The following HCST variants were observed in gnomAD, a reference collection of about 807,000 sequenced individuals.
HCST encodes hematopoietic cell signal transducer.
In HCST, 12 loss-of-function variants were observed where a neutral mutation model predicts 10.8. The ratio of observed to expected loss-of-function variants is 1.12; its 90% CI spans 0.72 to 1.81. The LOEUF (loss-of-function observed/expected upper bound fraction) is 1.81, where lower values mean the gene tolerates loss of function less well. Among genes scored for constraint, HCST ranks in the 40% most tolerant of loss-of-function variants. The pLI, the probability that HCST is intolerant of heterozygous loss-of-function variation, is 0.00. For synonymous variants in HCST, 59 were observed against 51.6 expected (o/e 1.14, Z -0.61); for missense variants, 102 against 117.9 (o/e 0.87, Z 0.62).
rs1975662835 is a variant in HCST at position 35,904,284 on chromosome 19, C to A, written c.*124C>A. The A allele has an allele frequency of 4.5e-6, 5 of 1,100,570 alleles. No homozygotes were observed. Among genetic ancestry groups the A allele is most frequent in the South Asian group, 1.3e-5 (1 of 75,988 alleles). 68.2% of individuals were successfully genotyped at this position (1,100,570 alleles called of 1,614,324 possible). A position where few individuals can be genotyped will look rare whatever the true frequency, so the allele number is the denominator to read the frequency against. On this transcript the variant is annotated 3_prime_UTR_variant, in exon 4 of 4. Transcript: ENST00000246551. Reference sequence around the variant, plus strand: ...CAATTGAAACACCTGTAGTCGTATTCTTTCTCAAAGAACCCCAGAGTTCCC... The same window carrying A: ...CAATTGAAACACCTGTAGTCGTATTATTTCTCAAAGAACCCCAGAGTTCCC...
intron 1 of HCST, chr19:35,902,893 C>T (rs1975614349): frequency 7.6e-6 from 4 of 527,394 alleles, no homozygotes; most frequent in Non-Finnish European, 1.4e-5. Flanking sequence ...TGTCACTCTC[C>T]ATGTCTCTGG....
At chr19:35,902,969 C>T (rs956165667) in intron 1 of HCST, 6 of 438,150 alleles carry the variant, frequency 1.4e-5, no homozygotes, top group Admixed American at 7.6e-5. Context: ...AGGACACTAC[C>T]TTTCCTTCTC....
chr19:35,902,672 C>T (rs562529221), intron 1 of HCST, 36 bp downstream of exon 1: 14 of 1,609,532 alleles, frequency 8.7e-6, no homozygotes, highest in African/African-American at 2.7e-5. Flanking sequence ...GTAGGCAGAG[C>T]GTTTGTGAGA....
chr19:35,903,181 A>G (rs1234852372), intron 1 of HCST, 170 bp from the exon 2 acceptor site: 13 of 584,270 alleles, frequency 2.2e-5, no homozygotes, highest in Non-Finnish European at 4.0e-5. Context: ...TGTAGAGACG[A>G]GGTCTCACTA....
At position 35,903,348 on chromosome 19, in the gene HCST, C is replaced by T; in HGVS notation, c.44-3C>T. 1 of 1,613,112 alleles carries T rather than the reference C, an allele frequency of 6.2e-7. No individual in the cohort carries two copies. The highest frequency in any genetic ancestry group is 8.5e-7 in the Non-Finnish European group (1 of 1,179,370). ...CTCATCCACCTTCTTTCTCTTTCCA[C>T]AGTGGCTGCAGCTCAGACGACTCCA... On this transcript the variant is annotated splice_region_variant and splice_polypyrimidine_tract_variant and intron_variant, in intron 1 of 3. Transcript: ENST00000246551.
chr19:35,902,682 A>G (rs1975603346), intron 1 of HCST, 46 bp downstream of exon 1: 11 of 1,598,880 alleles, frequency 6.9e-6, no homozygotes, highest in Non-Finnish European at 9.4e-6. Context: ...CGTTTGTGAG[A>G]TGGGTGCTTG....
rs1599636246 is a variant in HCST at position 35,903,403 on chromosome 19, C to G, written c.96C>G (p.Tyr32Ter). The G allele has an allele frequency of 2.5e-6, 4 of 1,613,758 alleles. No individual in the cohort carries two copies. The African/African-American group carries it at 5.3e-5, about 22-fold the overall frequency. Residue 32 changes from tyrosine (Y) to a stop codon, truncating the protein, a stop_gained, in exon 2 of 4, where the codon TAC (tyrosine) becomes TAG (stop). Coordinates refer to ENST00000246551, the MANE Select transcript of HCST (RefSeq NM_014266.4). LOFTEE classifies it high-confidence loss of function. ...AGAGATCATCACTCCCTGCCTTTTACCCTGGCACTTCAGGTATCACTTCCA... is the reference window on the plus strand; with the variant it reads ...AGAGATCATCACTCCCTGCCTTTTAGCCTGGCACTTCAGGTATCACTTCCA... ...PGERSSLPAF[Y>*]PGTSGSCSGC...
At position 35,903,395 on chromosome 19, in the gene HCST, G is replaced by A. The variant is rs780339549; in HGVS notation, c.88G>A (p.Ala30Thr). ...TTPGERSSLP[A>T]FYPGTSGSCS... ...TCCAGGAGAGAGATCATCACTCCCTGCCTTTTACCCTGGCACTTCAGGTAT... is the reference window on the plus strand; with the variant it reads ...TCCAGGAGAGAGATCATCACTCCCTACCTTTTACCCTGGCACTTCAGGTAT... Residue 30 changes from alanine (A) to threonine (T), a missense_variant, in exon 2 of 4, where the codon GCC becomes ACC. Coordinates refer to ENST00000246551, the MANE Select transcript of HCST (RefSeq NM_014266.4). The A allele has an allele frequency of 3.1e-6, 5 of 1,613,770 alleles. No homozygotes were observed. The highest frequency in any genetic ancestry group is 2.7e-5 in the African/African-American group (2 of 74,868).
Position 35,902,892 on chromosome 19 carries a change from C to T in HCST, c.43+256C>T. 2 of 528,700 alleles carry T rather than the reference C, an allele frequency of 3.8e-6. 1 individual carries two copies. The highest frequency in any genetic ancestry group is 6.8e-6 in the Non-Finnish European group (2 of 295,026). 32.8% of individuals were successfully genotyped at this position (528,700 alleles called of 1,614,324 possible). A position where few individuals can be genotyped will look rare whatever the true frequency, so the allele number is the denominator to read the frequency against. On this transcript the variant is annotated intron_variant, in intron 1 of 3. Coordinates refer to ENST00000246551, the MANE Select transcript of HCST (RefSeq NM_014266.4). ...GCCACTTCCAATTTCTTGTCACTCT[C>T]CATGTCTCTGGGAGTCCCCTTCCCA... is the stretch of plus-strand genomic sequence containing the variant.
chr19:35,903,573 G>A (rs2146982199), intron 2 of HCST, 157 bp downstream of exon 2: 2 of 997,690 alleles, frequency 2.0e-6, no homozygotes, highest in Non-Finnish European at 3.1e-6. Flanking sequence ...GGAGCACCCC[G>A]TGTGCCCGCC....
At chr19:35,902,689 C>T in intron 1 of HCST, 53 bp downstream of exon 1, 2 of 1,570,022 alleles carry the variant, frequency 1.3e-6, no homozygotes, top group South Asian at 2.2e-5. Context: ...GAGATGGGTG[C>T]TTGGGTGACG....
At chr19:35,904,067 G>C (rs1395556908) in intron 3 of HCST, 53 bp from the exon 4 acceptor site, 2 of 1,610,720 alleles carry the variant, frequency 1.2e-6, no homozygotes, top group Non-Finnish European at 1.7e-6. Flanking sequence ...GGGTCCCCAG[G>C]GAAGTGGAGA....
At position 35,903,806 on chromosome 19, in the gene HCST, G is replaced by C; in HGVS notation, c.144G>C (p.Pro48=). 6.2e-7 allele frequency: 1 copy of C among 1,614,074 alleles called. No homozygotes were observed. Among genetic ancestry groups the C allele is most frequent in the South Asian group, 1.1e-5 (1 of 91,086 alleles). The part of the protein sequence containing the change: ...SCSGCGSLSL[P]LLAGLVAADA... The stretch of plus-strand genomic sequence containing the variant: ...CCGGATGTGGGTCCCTCTCTCTGCC[G>C]CTCCTGGCAGGCCTCGTGGCTGCTG... Residue 48 remains proline, a synonymous_variant, in exon 3 of 4, where the codon CCG becomes CCC. Transcript: ENST00000246551.
intron 1 of HCST, 79 bp downstream of exon 1, chr19:35,902,715 G>C: frequency 1.4e-6 from 2 of 1,421,676 alleles, no homozygotes; most frequent in Non-Finnish European, 2.0e-6. Flanking sequence ...AGGGACGGGT[G>C]ATGAAAGTGG....
intron 3 of HCST, 82 bp from the exon 4 acceptor site, chr19:35,904,038 A>G: frequency 1.3e-6 from 2 of 1,596,940 alleles, no homozygotes; most frequent in Non-Finnish European, 1.7e-6. Flanking sequence ...GGAACCCCTG[A>G]GGAAACCCCT....
At chr19:35,903,317 T>G in intron 1 of HCST, 34 bp from the exon 2 acceptor site, 1 of 1,592,328 alleles carries the variant, frequency 6.3e-7, no homozygotes, top group Non-Finnish European at 8.6e-7. Flanking sequence ...GGACCTTCTC[T>G]CCACCCTCAT....
intron 1 of HCST, chr19:35,903,132 A>C: frequency 2.0e-6 from 1 of 508,252 alleles, no homozygotes; most frequent in Non-Finnish European, 3.6e-6. Flanking sequence ...CTGGGATTAC[A>C]GGTGTGAACC....
In HCST at chr19:35,903,784, G is replaced by T. The variant is rs755199998; in HGVS notation, c.122G>T (p.Gly41Val). 1.2e-6 allele frequency: 2 copies of T among 1,614,118 alleles called. No homozygotes were observed. The highest frequency in any genetic ancestry group is 1.7e-6 in the Non-Finnish European group (2 of 1,180,024). The part of the protein sequence containing the change: ...FYPGTSGSCS[G>V]CGSLSLPLLA... ...CCCCACTCTCCAGGCTCTTGTTCCG[G>T]ATGTGGGTCCCTCTCTCTGCCGCTC... Residue 41 changes from glycine to valine, a missense_variant, in exon 3 of 4, where the codon GGA (glycine) becomes GTA (valine). By Grantham distance (109) the Gly-to-Val change is moderately radical. Coordinates refer to ENST00000246551, the MANE Select transcript of HCST (RefSeq NM_014266.4).
intron 2 of HCST, 47 bp from the exon 3 acceptor site, chr19:35,903,725 G>A: frequency 6.2e-7 from 1 of 1,613,856 alleles, no homozygotes; most frequent in Non-Finnish European, 8.5e-7. Context: ...CACAGCCCCA[G>A]GACGCAGAGC....
Sources: allele counts gnomAD v4.1 joint callset, GRCh38; gene constraint gnomAD v4.1.1; transcripts MANE v1.5; gene names NCBI Gene and HGNC (gene_info 2026-07-23, HGNC 2026-07-21).